Variants in SSPN observed in about 807,000 individuals in gnomAD.
SSPN encodes the protein sarcospan, also known as K-ras oncogene-associated protein.
Under a neutral mutation model 19.1 loss-of-function variants are expected in SSPN, and 15 were observed. The ratio of observed to expected loss-of-function variants is 0.78; its 90% CI spans 0.52 to 1.21. The LOEUF (loss-of-function observed/expected upper bound fraction) is 1.21, where lower values mean the gene tolerates loss of function less well. SSPN is among the 50% of genes most tolerant of loss of function. The pLI, the probability that SSPN is intolerant of heterozygous loss-of-function variation, is 0.00. For synonymous variants in SSPN, 147 were observed against 140.3 expected (o/e 1.05, Z -0.34); for missense variants, 291 against 314.0 (o/e 0.93, Z 0.55).
rs560332722 is a variant in SSPN, at chr12:26,140,393, A to G, written c.-31+18241A>G. Among the ~76,000 whole-genome samples the G allele has an allele frequency of 2.0e-5, 3 of 152,154 alleles. No homozygotes were observed. The East Asian group carries it at 5.8e-4, about 29-fold the overall frequency. On this transcript the variant is annotated intron_variant, in intron 1 of 2. Transcript: ENST00000538142. ...AGCAAGTTCTGTTTCTTCTATTCCAAAATACTTCTCAAATCTGGACAGTCC... is the reference window on the plus strand; with the variant it reads ...AGCAAGTTCTGTTTCTTCTATTCCAGAATACTTCTCAAATCTGGACAGTCC...
At chr12:26,162,999 C>T (rs1944598310) in intron 1 of SSPN, among the ~76,000 whole-genome samples, 1 of 150,500 alleles carries the variant, frequency 6.6e-6, no homozygotes, top group African/African-American at 2.5e-5. Flanking sequence ...CAGATTCAAA[C>T]ACAGTGTGCT....
intron 1 of SSPN, among the ~76,000 whole-genome samples, chr12:26,186,594 C>T (rs1055287983): frequency 2.6e-5 from 4 of 152,216 alleles, no homozygotes; most frequent in Non-Finnish European, 5.9e-5. Context: ...GCTCACTTGT[C>T]ATTTCAACAC....
rs965551726 is a variant in SSPN, at chr12:26,166,794, C to T, written c.-31+44642C>T. ...GCCTGCAAAGCCAAAAGTATTTACT[C>T]TCTGCCCCTTTATAGGAAAAGTTTG... On this transcript the variant is annotated intron_variant, in intron 1 of 2. Transcript: ENST00000538142. Among the ~76,000 whole-genome samples the T allele has an allele frequency of 5.9e-5, 9 of 152,354 alleles. No homozygotes were observed. The South Asian group carries it at 1.9e-3, about 32-fold the overall frequency.
chr12:26,144,775 C>T (rs1405877614), intron 1 of SSPN, among the ~76,000 whole-genome samples: 8 of 152,200 alleles, frequency 5.3e-5, no homozygotes, highest in Admixed American at 3.3e-4. Context: ...GGTTTTGTAG[C>T]ATGATTTTAT....
intron 1 of SSPN, among the ~76,000 whole-genome samples, chr12:26,146,132 G>C (rs1388826974): frequency 2.6e-5 from 4 of 152,212 alleles, no homozygotes; most frequent in Non-Finnish European, 2.9e-5. Context: ...TGAAGAGAAG[G>C]GTGGTGCCTT....
chr12:26,188,703 A>G (rs1944769196), intron 1 of SSPN, among the ~76,000 whole-genome samples: 1 of 152,200 alleles, frequency 6.6e-6, no homozygotes, highest in Non-Finnish European at 1.5e-5. Context: ...AGGATTTATA[A>G]ATATTTATTA....
chr12:26,218,722 T>A (rs901690633), intron 1 of SSPN, among the ~76,000 whole-genome samples: 2 of 152,202 alleles, frequency 1.3e-5, no homozygotes, highest in African/African-American at 4.8e-5. Context: ...CTTTAATTGA[T>A]CCGTGTGAAA....
At chr12:26,230,263 T>A (rs547137202) in intron 2 of SSPN, among the ~76,000 whole-genome samples, 2 of 152,386 alleles carry the variant, frequency 1.3e-5, no homozygotes, top group African/African-American at 4.8e-5. Context: ...CCATCATTGC[T>A]AATTTTGGCC....
At chr12:26,205,770 G>A (rs745704630) in intron 1 of SSPN, among the ~76,000 whole-genome samples, 6 of 152,146 alleles carry the variant, frequency 3.9e-5, no homozygotes, top group Non-Finnish European at 7.4e-5. Flanking sequence ...CTTCATGACC[G>A]CATACAGAAT....
intron 1 of SSPN, among the ~76,000 whole-genome samples, chr12:26,159,265 G>A (rs1373726368): frequency 1.7e-4 from 26 of 152,360 alleles, no homozygotes; most frequent in Non-Finnish European, 1.0e-4. Flanking sequence ...CCACAGAGGG[G>A]CCCCAAGGCA....
chr12:26,128,108 C>T (rs1041458195), intron 1 of SSPN, among the ~76,000 whole-genome samples: 36 of 152,160 alleles, frequency 2.4e-4, no homozygotes, highest in African/African-American at 8.7e-4. Context: ...ACAGTGGGTT[C>T]GAGAGTCTGG....
At chr12:26,168,429 C>T (rs1243607878) in intron 1 of SSPN, among the ~76,000 whole-genome samples, 1 of 152,082 alleles carries the variant, frequency 6.6e-6, no homozygotes, top group African/African-American at 2.4e-5. Context: ...GGATAACCCC[C>T]GGTTGGGGAT....
chr12:26,164,775 T>C (rs1944610617), intron 1 of SSPN, among the ~76,000 whole-genome samples: 1 of 152,236 alleles, frequency 6.6e-6, no homozygotes, highest in Non-Finnish European at 1.5e-5. Flanking sequence ...TTAAAAAACC[T>C]GGTCAAAGCT....
chr12:26,228,963 T>C (rs1268970286), intron 2 of SSPN, among the ~76,000 whole-genome samples: 1 of 152,150 alleles, frequency 6.6e-6, no homozygotes, highest in Non-Finnish European at 1.5e-5. Context: ...CTGGGCCACA[T>C]AGCAAGACTC....
chr12:26,219,835 C>T (rs1041673873), intron 1 of SSPN, among the ~76,000 whole-genome samples: 3 of 152,194 alleles, frequency 2.0e-5, no homozygotes, highest in African/African-American at 7.2e-5. Flanking sequence ...TGCCTTTGTG[C>T]TCTGTGACAC....
intron 1 of SSPN, among the ~76,000 whole-genome samples, chr12:26,215,484 T>C (rs998338232): frequency 6.6e-6 from 1 of 152,212 alleles, no homozygotes; most frequent in Non-Finnish European, 1.5e-5. Flanking sequence ...GCATTGCTGA[T>C]GGACTTGTGA....
At chr12:26,222,904 C>G (rs756682129) in intron 1 of SSPN, among the ~76,000 whole-genome samples, 1 of 152,290 alleles carries the variant, frequency 6.6e-6, no homozygotes, top group South Asian at 2.1e-4. Flanking sequence ...TCCAGGTCCT[C>G]CCATCAGTTA....
At chr12:26,209,507 T>C (rs1336569414) in intron 1 of SSPN, among the ~76,000 whole-genome samples, 1 of 152,132 alleles carries the variant, frequency 6.6e-6, no homozygotes, top group African/African-American at 2.4e-5. Context: ...GTGCTGTATC[T>C]TGGGTTATTT....
chr12:26,227,703 G>A lies in SSPN; in HGVS notation c.367-3008G>A, dbSNP rs185668303. 2.4e-3 allele frequency among the ~76,000 whole-genome samples: 360 copies of A among 152,284 alleles called. 1 individual carries two copies. Among genetic ancestry groups the A allele is most frequent in the Middle Eastern group, 0.014 (4 of 294 alleles). ...CAGACGCTGTTCTAAGTTCTTTACA[G>A]ACATCAACTCTTTTGATCCTTGTAA... On this transcript the variant is annotated intron_variant, in intron 2 of 2. Coordinates refer to ENST00000242729, the MANE Select transcript of SSPN (RefSeq NM_005086.5).
Sources: allele counts gnomAD v4.1 joint callset (sites outside exome capture counted in the v4.1 genomes callset), GRCh38; gene constraint gnomAD v4.1.1; transcripts MANE v1.5; gene names NCBI Gene and HGNC (gene_info 2026-07-23, HGNC 2026-07-21).